The following LRRC8A variants were observed in gnomAD, a reference collection of about 807,000 sequenced individuals.
The protein encoded by LRRC8A is leucine rich repeat containing 8 VRAC subunit A.
In LRRC8A, 24 loss-of-function variants were observed where a neutral mutation model predicts 52.5. The ratio of observed to expected loss-of-function variants is 0.46; its 90% CI spans 0.33 to 0.64. The LOEUF is 0.64. Among genes scored for constraint, LRRC8A ranks in the 30% least tolerant of loss-of-function variants. LRRC8A has a pLI of 0.02. For synonymous variants in LRRC8A, 492 were observed against 494.2 expected (o/e 1.00, Z 0.06); for missense variants, 677 against 1,094.7 (o/e 0.62, Z 5.38).
In LRRC8A at chr9:128,908,556, C is replaced by T. The variant is rs1490022805; in HGVS notation, c.1392C>T (p.Ser464=). The T allele has an allele frequency of 1.2e-6, 2 of 1,612,864 alleles. No individual in the cohort carries two copies. The highest frequency in any genetic ancestry group is 2.2e-5 in the East Asian group (1 of 44,880). The change falls in exon 3 of 4, where the codon AGC becomes AGT. Residue 464 remains serine (S), a synonymous_variant. Transcript: ENST00000372600. The part of the protein sequence containing the change: ...ELIPDVTIPP[S]IAQLTGLKEL... ...TCCCCGACGTGACCATCCCGCCCAGCATTGCCCAGCTCACGGGCCTCAAGG... is the reference window on the plus strand; with the variant it reads ...TCCCCGACGTGACCATCCCGCCCAGTATTGCCCAGCTCACGGGCCTCAAGG...
At position 128,908,239 on chromosome 9, in the gene LRRC8A, G is replaced by A. The variant is rs1216300411; in HGVS notation, c.1075G>A (p.Glu359Lys). 5.0e-6 allele frequency: 8 copies of A among 1,614,118 alleles called. No individual in the cohort carries two copies. Among genetic ancestry groups the A allele is most frequent in the Non-Finnish European group, 5.9e-6 (7 of 1,180,028 alleles). ...GTACTCGTTTGAGTCGATCCGTGAG[G>A]AGAGCAGCTACAGCGACATCCCCGA... Reference protein sequence around the residue: ...KKYSFESIREESSYSDIPDVK... With the variant: ...KKYSFESIREKSSYSDIPDVK... Residue 359 changes from glutamate to lysine, a missense_variant, in exon 3 of 4, where the codon GAG becomes AAG. By Grantham distance (56) the Glu-to-Lys change is moderately conservative. Coordinates refer to ENST00000372600, the MANE Select transcript of LRRC8A (RefSeq NM_019594.4).
In LRRC8A at chr9:128,904,380, G is replaced by A. The variant is rs144969606; in HGVS notation, c.-8-2777G>A. Reference sequence around the variant, plus strand: ...CTAAAAATACAAAAATTAGCTGGGCGTGGTAGCGTGTGCCTGTAATCCAGC... The same window carrying A: ...CTAAAAATACAAAAATTAGCTGGGCATGGTAGCGTGTGCCTGTAATCCAGC... On this transcript the variant is annotated intron_variant, in intron 2 of 3. Transcript: ENST00000372600. 7.3e-3 allele frequency among the ~76,000 whole-genome samples: 1,109 copies of A among 151,824 alleles called. 7 individuals carry two copies. Among genetic ancestry groups the A allele is most frequent in the African/African-American group, 0.019 (788 of 41,482 alleles).
At chr9:128,900,642 A>T (rs561043865) in intron 2 of LRRC8A, among the ~76,000 whole-genome samples, 1 of 152,284 alleles carries the variant, frequency 6.6e-6, no homozygotes, top group South Asian at 2.1e-4. Context: ...CAGGAGGTAC[A>T]GGTTGCAGTG....
Position 128,908,963 on chromosome 9 carries a change from G to T in LRRC8A, c.1799G>T (p.Arg600Leu), listed in dbSNP as rs941064931. ...AACCTGACTGAGCTGGAGCTGATCC[G>T]CTGTGACCTGGAGCGCATCCCCCAC... ...MANLTELELI[R>L]CDLERIPHSI... The change falls in exon 3 of 4, where the codon CGC becomes CTC. Residue 600 changes from arginine (R) to leucine (L), a missense_variant. This residue lies in a region of LRRC8A where 422 missense variants were observed against 741.5 expected (regional missense o/e 0.57). Coordinates refer to ENST00000372600, the MANE Select transcript of LRRC8A (RefSeq NM_019594.4). 5.0e-6 allele frequency: 8 copies of T among 1,613,978 alleles called. No homozygotes were observed. Among genetic ancestry groups the T allele is most frequent in the Non-Finnish European group, 6.8e-6 (8 of 1,180,022 alleles).
At chr9:128,909,463 T>C (rs982835656) in intron 3 of LRRC8A, 142 bp downstream of exon 3, 1 of 792,074 alleles carries the variant, frequency 1.3e-6, no homozygotes. Flanking sequence ...TACAGAACCA[T>C]CCAGGATAGA....
intron 2 of LRRC8A, among the ~76,000 whole-genome samples, chr9:128,891,804 G>A (rs964918634): frequency 6.6e-6 from 1 of 152,162 alleles, no homozygotes; most frequent in Admixed American, 6.5e-5. Flanking sequence ...TGGGTCCCAG[G>A]TGGGTCCGGG....
chr9:128,916,517 C>A lies in LRRC8A; in HGVS notation c.*146C>A. 9.9e-7 allele frequency: 1 copy of A among 1,013,720 alleles called. No homozygotes were observed. Among genetic ancestry groups the A allele is most frequent in the Non-Finnish European group, 1.4e-6 (1 of 713,676 alleles). 62.8% of individuals were successfully genotyped at this position (1,013,720 alleles called of 1,614,324 possible). A position where few individuals can be genotyped will look rare whatever the true frequency, so the allele number is the denominator to read the frequency against. On this transcript the variant is annotated 3_prime_UTR_variant, in exon 4 of 4. Transcript: ENST00000372600. This position sits in a 1 kb window ranked among gnomAD's most constrained non-coding sequence, Gnocchi z 6.1. ...GCCTGGGGCCGCTTGTGAGTCAGGC[C>A]AGAGCGAGAGGACAGTATCTGTGGG...
chr9:128,914,354 C>T (rs988984934), intron 3 of LRRC8A, among the ~76,000 whole-genome samples: 1 of 151,740 alleles, frequency 6.6e-6, no homozygotes. Context: ...GGTTGAGGTC[C>T]GAGTCTGCAA....
At chr9:128,898,633 T>C (rs1474012392) in intron 2 of LRRC8A, among the ~76,000 whole-genome samples, 1 of 152,250 alleles carries the variant, frequency 6.6e-6, no homozygotes, top group East Asian at 1.9e-4. Flanking sequence ...GTTGAATGTT[T>C]CAGGCCCTGG....
intron 2 of LRRC8A, among the ~76,000 whole-genome samples, chr9:128,904,700 T>C (rs1840163116): frequency 6.6e-6 from 1 of 151,808 alleles, no homozygotes; most frequent in Non-Finnish European, 1.5e-5. Context: ...ATTTTAAAAA[T>C]TAGCCGGGCA....
intron 2 of LRRC8A, among the ~76,000 whole-genome samples, chr9:128,886,586 G>A (rs1367208080): frequency 6.6e-6 from 1 of 152,214 alleles, no homozygotes; most frequent in South Asian, 2.1e-4. Flanking sequence ...ATCACGATAA[G>A]GGAGCTAGCG....
At position 128,915,554 on chromosome 9, in the gene LRRC8A, T is replaced by C. The variant is rs1050898845; in HGVS notation, c.2158-542T>C. The stretch of plus-strand genomic sequence containing the variant: ...GTTAGCCAGGATAGTCTCGATCTCC[T>C]GACCTCGTGATCCGCCCGCCTCAGC... On this transcript the variant is annotated intron_variant, in intron 3 of 3. Transcript: ENST00000372600. Among the ~76,000 whole-genome samples the C allele has an allele frequency of 4.6e-5, 7 of 152,312 alleles. No homozygotes were observed. In the South Asian group the frequency reaches 1.2e-3, roughly 27 times the overall value.
intron 2 of LRRC8A, among the ~76,000 whole-genome samples, chr9:128,893,577 G>A (rs980771384): frequency 2.0e-5 from 3 of 152,074 alleles, no homozygotes; most frequent in Non-Finnish European, 4.4e-5. Context: ...GGTGAGGACC[G>A]CAAGCTGCTG....
chr9:128,905,588 T>TA (rs770681770), intron 2 of LRRC8A, among the ~76,000 whole-genome samples: 41 of 152,328 alleles, frequency 2.7e-4, no homozygotes, highest in Admixed American at 7.2e-4. Flanking sequence ...CTCACTCCTG[T>TA]AATCCCAGCA....
chr9:128,888,471 A>G (rs1395077957), intron 2 of LRRC8A, among the ~76,000 whole-genome samples: 2 of 152,116 alleles, frequency 1.3e-5, no homozygotes, highest in African/African-American at 2.4e-5. Flanking sequence ...ACCCTGACTC[A>G]GTTTACCCTT....
chr9:128,882,407 C>T (rs1467366396), intron 1 of LRRC8A, 157 bp downstream of exon 1: 3 of 287,312 alleles, frequency 1.0e-5, no homozygotes, highest in African/African-American at 2.2e-5. Context: ...TTCGGCCTAC[C>T]TCTGGGCTCC....
In LRRC8A at chr9:128,884,070, C is replaced by T. The variant is rs537738681; in HGVS notation, c.-116+1820C>T. ...ATGTGGTGGTTCTCCATCCCTTAGG[C>T]ACACCCACCAGGAAGCCGTTTCCTT... is the stretch of plus-strand genomic sequence containing the variant. On this transcript the variant is annotated intron_variant, in intron 1 of 3. Transcript: ENST00000372600. 2.9e-4 allele frequency among the ~76,000 whole-genome samples: 44 copies of T among 152,180 alleles called. No individual in the cohort carries two copies. In the South Asian group the frequency reaches 3.5e-3, roughly 12 times the overall value.
At chr9:128,914,646 C>G (rs1020476647) in intron 3 of LRRC8A, among the ~76,000 whole-genome samples, 1 of 152,188 alleles carries the variant, frequency 6.6e-6, no homozygotes, top group Non-Finnish European at 1.5e-5. Flanking sequence ...GGTGATAGAG[C>G]AAGCTCAGAA....
chr9:128,888,803 C>T (rs75370325), intron 2 of LRRC8A, among the ~76,000 whole-genome samples: 3,736 of 152,128 alleles, frequency 0.025, 94 homozygotes, highest in East Asian at 0.093. Flanking sequence ...GTCACTTCCT[C>T]CATTCTTCCC....
Sources: allele counts gnomAD v4.1 joint callset (sites outside exome capture counted in the v4.1 genomes callset), GRCh38; gene constraint gnomAD v4.1.1; regional missense constraint gnomAD v4.1.1; non-coding constraint Gnocchi (gnomAD v3.1); transcripts MANE v1.5; gene names NCBI Gene and HGNC (gene_info 2026-07-23, HGNC 2026-07-21).